The following TIAM2 variants were observed in gnomAD, a reference collection of about 807,000 sequenced individuals.
TIAM2 encodes TIAM Rac1 associated GEF 2, also known as rho guanine nucleotide exchange factor TIAM2.
TIAM2 carries 80 observed loss-of-function variants against 152.9 expected under a neutral mutation model. That is an observed-to-expected ratio of 0.52 (90% CI 0.44 to 0.63). The LOEUF (loss-of-function observed/expected upper bound fraction) is 0.63. Among genes scored for constraint, TIAM2 ranks in the 30% least tolerant of loss-of-function variants. The pLI, the probability that TIAM2 is intolerant of heterozygous loss-of-function variation, is 0.00. For missense variants in TIAM2, 1,965 were observed against 2,120.1 expected (o/e 0.93, Z 1.44); for synonymous variants, 804 against 838.0 (o/e 0.96, Z 0.70).
At chr6:155,016,532 GGTAAATTTAAATT>G (rs2114855694) in intron 1 of TIAM2, among the ~76,000 whole-genome samples, 2 of 137,344 alleles carry the variant, frequency 1.5e-5, no homozygotes, top group South Asian at 4.7e-4. Context: ...ACATTTAAAT[GGTAAATTTAAATT>G]TAAATGGTAT....
intron 14 of TIAM2, 65 bp from the exon 15 acceptor site, chr6:155,211,139 A>C: frequency 1.4e-6 from 2 of 1,436,842 alleles, no homozygotes; most frequent in African/African-American, 1.4e-5. Context: ...TGAGCCTTTA[A>C]ACCGGGTGTT....
In TIAM2 at chr6:155,254,075, C is replaced by T; in HGVS notation, c.4313+15C>T. On this transcript the variant is annotated intron_variant, in intron 25 of 26. Transcript: ENST00000682666. ...TTGTGTTGCAGGTATGACTGACTTC[C>T]AAAGATTAAAACCAACAGAAATAAC... is the stretch of plus-strand genomic sequence containing the variant. The T allele has an allele frequency of 6.2e-7, 1 of 1,608,932 alleles. No individual in the cohort carries two copies. The highest frequency in any genetic ancestry group is 8.5e-7 in the Non-Finnish European group (1 of 1,176,938).
intron 14 of TIAM2, among the ~76,000 whole-genome samples, chr6:155,208,894 G>A (rs541590558): frequency 2.6e-5 from 4 of 152,050 alleles, no homozygotes; most frequent in South Asian, 4.2e-4. Flanking sequence ...AGCCACACTC[G>A]GCAAGTTCCC....
In TIAM2 at chr6:155,174,664, C is replaced by T. The variant is rs79823829; in HGVS notation, c.2362-2152C>T. On this transcript the variant is annotated intron_variant, in intron 9 of 26. Coordinates refer to ENST00000682666, the MANE Select transcript of TIAM2 (RefSeq NM_012454.4). The surrounding 1 kb of genome is among the most constrained non-coding windows in gnomAD (Gnocchi z 4.2). ...AATTACAGACGTGAGCCATGGCGCCCGGCCAAGTGATACAGTCTTTCTCTG... is the reference window on the plus strand; with the variant it reads ...AATTACAGACGTGAGCCATGGCGCCTGGCCAAGTGATACAGTCTTTCTCTG... 3.3e-5 allele frequency among the ~76,000 whole-genome samples: 5 copies of T among 152,160 alleles called. No homozygotes were observed. The highest frequency in any genetic ancestry group is 4.4e-5 in the Non-Finnish European group (3 of 68,022).
chr6:155,113,595 G>A (rs1030200683), intron 2 of TIAM2, among the ~76,000 whole-genome samples: 3 of 152,010 alleles, frequency 2.0e-5, no homozygotes, highest in Non-Finnish European at 4.4e-5. Context: ...GTTATGGTGG[G>A]CTCCTGTAGT....
intron 2 of TIAM2, among the ~76,000 whole-genome samples, chr6:155,106,826 C>T (rs1345877278): frequency 1.3e-5 from 2 of 152,234 alleles, no homozygotes; most frequent in Non-Finnish European, 2.9e-5. Context: ...CTGGCCTCTC[C>T]GAGGCATGAT....
At chr6:155,100,490 G>A (rs1361137477) in intron 2 of TIAM2, among the ~76,000 whole-genome samples, 1 of 152,184 alleles carries the variant, frequency 6.6e-6, no homozygotes, top group Admixed American at 6.5e-5. Flanking sequence ...GAGATGTAGA[G>A]TGCAACAAAC....
Position 155,257,650 on chromosome 6 carries a change from A to G in TIAM2, c.*529A>G. The G allele has an allele frequency of 3.1e-6, 2 of 638,038 alleles. No individual in the cohort carries two copies. The highest frequency in any genetic ancestry group is 5.4e-6 in the Non-Finnish European group (2 of 373,728). 39.5% of individuals were successfully genotyped at this position (638,038 alleles called of 1,614,324 possible). ...ATCTATACAGTATATATTAAAAGAA[A>G]GCTTGTACTGTATCTTATTTGATGA... is the stretch of plus-strand genomic sequence containing the variant. On this transcript the variant is annotated 3_prime_UTR_variant, in exon 27 of 27. Coordinates refer to ENST00000682666, the MANE Select transcript of TIAM2 (RefSeq NM_012454.4).
At chr6:155,017,130 G>A (rs2475876) in intron 1 of TIAM2, among the ~76,000 whole-genome samples, 1 of 152,092 alleles carries the variant, frequency 6.6e-6, no homozygotes, top group Non-Finnish European at 1.5e-5. Flanking sequence ...CTTGCCCACC[G>A]CATTCGGTGA....
At chr6:155,126,901 C>T (rs1048374480) in intron 2 of TIAM2, among the ~76,000 whole-genome samples, 2 of 151,864 alleles carry the variant, frequency 1.3e-5, no homozygotes, top group Non-Finnish European at 1.5e-5. Flanking sequence ...GCAGTGAGCA[C>T]GGCCAGAGGG....
intron 1 of TIAM2, among the ~76,000 whole-genome samples, chr6:155,048,856 A>C (rs143097040): frequency 6.6e-6 from 1 of 150,720 alleles, no homozygotes; most frequent in Non-Finnish European, 1.5e-5. Context: ...GCTGGAGTGC[A>C]GTGGTGCAAT....
chr6:155,015,247 T>A (rs1778552969), intron 1 of TIAM2, among the ~76,000 whole-genome samples: 1 of 152,060 alleles, frequency 6.6e-6, no homozygotes, highest in Admixed American at 6.6e-5. Context: ...GTGGTAAGGA[T>A]GATGCTACTC....
intron 1 of TIAM2, among the ~76,000 whole-genome samples, chr6:155,028,585 CATATA>C (rs1425858894): frequency 2.2e-5 from 3 of 133,808 alleles, no homozygotes; most frequent in Admixed American, 8.0e-5. Flanking sequence ...ATATATACTA[CATATA>C]ATATATATAC....
chr6:155,168,575 T>C (rs978960174), intron 9 of TIAM2, among the ~76,000 whole-genome samples: 3 of 152,136 alleles, frequency 2.0e-5, no homozygotes, highest in Non-Finnish European at 2.9e-5. Context: ...CAGGCTGGTC[T>C]TGAACTCCTG....
At chr6:155,171,107 C>G (rs1780576305) in intron 9 of TIAM2, among the ~76,000 whole-genome samples, 1 of 152,142 alleles carries the variant, frequency 6.6e-6, no homozygotes, top group African/African-American at 2.4e-5. Context: ...TACATTACGC[C>G]CATTTCTATA....
chr6:155,206,721 C>T (rs984533742), intron 14 of TIAM2, among the ~76,000 whole-genome samples: 2 of 152,178 alleles, frequency 1.3e-5, no homozygotes, highest in African/African-American at 2.4e-5. Flanking sequence ...TCTGCTGGCT[C>T]AACTGCTGAG....
At chr6:155,150,956 G>A (rs12199859) in intron 7 of TIAM2, among the ~76,000 whole-genome samples, 70,287 of 152,022 alleles carry the variant, frequency 0.46, 16,823 homozygotes, top group Middle Eastern at 0.56. Context: ...GTTCTTAACA[G>A]ATATTGGTAT....
At position 155,117,599 on chromosome 6, in the gene TIAM2, C is replaced by T. The variant is rs1249694653; in HGVS notation, c.-117-9891C>T. Among the ~76,000 whole-genome samples the T allele has an allele frequency of 4.6e-5, 7 of 152,300 alleles. No individual in the cohort carries two copies. The South Asian group carries it at 8.3e-4, about 18-fold the overall frequency. On this transcript the variant is annotated intron_variant, in intron 2 of 26. Coordinates refer to ENST00000682666, the MANE Select transcript of TIAM2 (RefSeq NM_012454.4). ...CTGGAACTACAGTCGTGTGCCACCA[C>T]GCCTGACTAATTTTTGTATTTATAG... is the stretch of plus-strand genomic sequence containing the variant.
At chr6:155,076,330 C>T (rs1468445708) in intron 1 of TIAM2, among the ~76,000 whole-genome samples, 1 of 152,108 alleles carries the variant, frequency 6.6e-6, no homozygotes, top group Non-Finnish European at 1.5e-5. Flanking sequence ...CCACCCTGCA[C>T]CATCTACAGT....
Sources: gnomAD v4.1 joint callset for allele counts (sites outside exome capture counted in the v4.1 genomes callset) on GRCh38, gnomAD v4.1.1 for gene constraint, Gnocchi (gnomAD v3.1) non-coding constraint, MANE v1.5 for transcripts, NCBI Gene and HGNC (gene_info 2026-07-23, HGNC 2026-07-21) for gene names.